Variants in SLC26A2 observed in about 807,000 individuals in gnomAD.
SLC26A2 encodes the protein sulfate transporter.
SLC26A2 carries 36 observed loss-of-function variants against 41.1 expected under a neutral mutation model. The ratio of observed to expected loss-of-function variants is 0.88; its 90% CI spans 0.67 to 1.16. The LOEUF is 1.16. Ranked by LOEUF, SLC26A2 falls within the 50% of genes most tolerant of loss-of-function variation. The pLI, the probability that SLC26A2 is intolerant of heterozygous loss-of-function variation, is 0.00. For synonymous variants in SLC26A2, 291 were observed against 311.6 expected, an observed-to-expected ratio of 0.93 and a Z score of 0.70; for missense variants, 796 against 869.6, an observed-to-expected ratio of 0.92 and a Z score of 1.07.
chr5:149,963,513 G>C (rs1033492094), intron 1 of SLC26A2, among the ~76,000 whole-genome samples: 20 of 151,876 alleles, frequency 1.3e-4, no homozygotes, highest in African/African-American at 4.8e-4. Context: ...TCATGACCTC[G>C]TGATCCGCCT....
rs925448046 is a variant in SLC26A2, at chr5:149,986,622, G to T, written c.*4809G>T. 1 of 152,146 alleles carries T rather than the reference G, an allele frequency of 6.6e-6. No homozygotes were observed. Among genetic ancestry groups the T allele is most frequent in the Non-Finnish European group, 1.5e-5 (1 of 68,022 alleles). The allele number at this position is 152,146 out of a possible 1,614,324, so 9.4% of individuals were successfully genotyped here. On this transcript the variant is annotated 3_prime_UTR_variant, in exon 3 of 3. Coordinates refer to ENST00000286298, the MANE Select transcript of SLC26A2 (RefSeq NM_000112.4). Reference sequence around the variant, plus strand: ...AAAGTAAGCATTGTAGTAAATAGTGGATTCTCTGGTGTGTATTTTTTATCT... The same window carrying T: ...AAAGTAAGCATTGTAGTAAATAGTGTATTCTCTGGTGTGTATTTTTTATCT...
At chr5:149,977,586 GA>G in intron 1 of SLC26A2, 41 bp from the exon 2 acceptor site, 1 of 1,026,896 alleles carries the variant, frequency 9.7e-7, no homozygotes, top group South Asian at 1.3e-5. Flanking sequence ...TGAGCACTGA[GA>G]ATTACTTTAT....
intron 1 of SLC26A2, among the ~76,000 whole-genome samples, chr5:149,976,137 G>A (rs1234330159): frequency 3.4e-5 from 5 of 147,502 alleles, no homozygotes; most frequent in South Asian, 2.1e-4. Flanking sequence ...CAGCCTGGGC[G>A]ACAGAGTGAA....
intron 1 of SLC26A2, among the ~76,000 whole-genome samples, chr5:149,971,353 A>T (rs559548320): frequency 6.6e-6 from 1 of 152,128 alleles, no homozygotes; most frequent in Non-Finnish European, 1.5e-5. Flanking sequence ...TACTATATAC[A>T]TGGAGAATCT....
At chr5:149,963,082 ATATTTATTTATT>A (rs141212500) in intron 1 of SLC26A2, among the ~76,000 whole-genome samples, 150 of 138,124 alleles carry the variant, frequency 1.1e-3, no homozygotes, top group Middle Eastern at 3.7e-3. Context: ...CAGTGGTGCT[ATATTTATTTATT>A]TATTTATTTA....
intron 1 of SLC26A2, among the ~76,000 whole-genome samples, chr5:149,963,082 A>ATATTTATTTATTTATT (rs141212500): frequency 1.6e-4 from 22 of 138,128 alleles, no homozygotes; most frequent in Non-Finnish European, 2.0e-4. Context: ...CAGTGGTGCT[A>ATATTTATTTATTTATT]TATTTATTTA....
intron 1 of SLC26A2, among the ~76,000 whole-genome samples, chr5:149,961,839 C>A (rs774958017): frequency 6.6e-6 from 1 of 151,672 alleles, no homozygotes; most frequent in African/African-American, 2.4e-5. Flanking sequence ...AGGAATGGAC[C>A]CTTTAAAATC....
In SLC26A2 at chr5:149,980,275, C is replaced by CCATT; in HGVS notation, c.700-18_700-17insCATT. The CCATT allele has an allele frequency of 6.2e-7, 1 of 1,601,648 alleles. No homozygotes were observed. The highest frequency in any genetic ancestry group is 1.1e-5 in the South Asian group (1 of 90,836). On this transcript the variant is annotated splice_polypyrimidine_tract_variant and intron_variant, in intron 2 of 2. Transcript: ENST00000286298. ...TCTTTTCCATTTATATTTAACACTT[C>CCATT]TATATCCTTCCTTCCAGGTAGCGAT...
At chr5:149,964,086 T>C (rs926773058) in intron 1 of SLC26A2, among the ~76,000 whole-genome samples, 3 of 152,164 alleles carry the variant, frequency 2.0e-5, no homozygotes, top group Non-Finnish European at 4.4e-5. Context: ...TTAGACCATA[T>C]TTGGTAGGAG....
In SLC26A2 at chr5:149,982,863, C is replaced by T. The variant is rs953982813; in HGVS notation, c.*1050C>T. On this transcript the variant is annotated 3_prime_UTR_variant, in exon 3 of 3. Transcript: ENST00000286298. Reference sequence around the variant, plus strand: ...GCTATGGGTGTATTATTCATGATAGCTGGCCCACAGGTCATGAATTGAGGA... The same window carrying T: ...GCTATGGGTGTATTATTCATGATAGTTGGCCCACAGGTCATGAATTGAGGA... The T allele has an allele frequency of 6.6e-6, 1 of 152,108 alleles. No individual in the cohort carries two copies. Among genetic ancestry groups the T allele is most frequent in the African/African-American group, 2.4e-5 (1 of 41,420 alleles). The allele number at this position is 152,108 out of a possible 1,614,324, so 9.4% of individuals were successfully genotyped here. A position where few individuals can be genotyped will look rare whatever the true frequency, so the allele number is the denominator to read the frequency against.
rs111607867 is a variant in SLC26A2, at chr5:149,984,773, CTAAACTT to C, written c.*2963_*2969del. ...TTGATACAAAAATATCTTGCTTACT[CTAAACTT>C]TAGAGTCTAAATGAAGCTTTTTCTC... On this transcript the variant is annotated 3_prime_UTR_variant, in exon 3 of 3. Coordinates refer to ENST00000286298, the MANE Select transcript of SLC26A2 (RefSeq NM_000112.4). 120 of 152,378 alleles carry C rather than the reference CTAAACTT, an allele frequency of 7.9e-4. 1 individual carries two copies. The highest frequency in any genetic ancestry group is 2.7e-3 in the African/African-American group (114 of 41,596). 9.4% of individuals were successfully genotyped at this position (152,378 alleles called of 1,614,324 possible).
intron 1 of SLC26A2, among the ~76,000 whole-genome samples, chr5:149,963,926 GGT>G (rs1754759317): frequency 6.6e-6 from 1 of 151,870 alleles, no homozygotes; most frequent in Non-Finnish European, 1.5e-5. Flanking sequence ...ATTTATATAA[GGT>G]GTCATTTGAG....
At chr5:149,970,572 G>GATT (rs1387311770) in intron 1 of SLC26A2, among the ~76,000 whole-genome samples, 4 of 152,108 alleles carry the variant, frequency 2.6e-5, no homozygotes, top group African/African-American at 9.7e-5. Context: ...AGATCTGGGA[G>GATT]ATTATTATTC....
Position 149,987,109 on chromosome 5 carries a change from T to C in SLC26A2, c.*5296T>C, listed in dbSNP as rs1032846140. On this transcript the variant is annotated 3_prime_UTR_variant, in exon 3 of 3. Coordinates refer to ENST00000286298, the MANE Select transcript of SLC26A2 (RefSeq NM_000112.4). Reference sequence around the variant, plus strand: ...AAAAGTATACTGCCTGTTTTTTCTTTAATTATTCAAGGTTGATGACTTTTA... The same window carrying C: ...AAAAGTATACTGCCTGTTTTTTCTTCAATTATTCAAGGTTGATGACTTTTA... 2 of 152,252 alleles carry C rather than the reference T, an allele frequency of 1.3e-5. No individual in the cohort carries two copies. Among genetic ancestry groups the C allele is most frequent in the African/African-American group, 4.8e-5 (2 of 41,468 alleles). The allele number at this position is 152,252 out of a possible 1,614,324, so 9.4% of individuals were successfully genotyped here. A position where few individuals can be genotyped will look rare whatever the true frequency, so the allele number is the denominator to read the frequency against.
chr5:149,967,061 A>C lies in SLC26A2; in HGVS notation c.-26+6082A>C, dbSNP rs1011889759. 2.6e-5 allele frequency among the ~76,000 whole-genome samples: 4 copies of C among 152,332 alleles called. No homozygotes were observed. In the East Asian group the frequency reaches 7.7e-4, roughly 29 times the overall value. ...TGTCCATAATACCAGCTAATCTGGAAGCTGAAGTGGGGGATTGTTTGAGGC... is the reference window on the plus strand; with the variant it reads ...TGTCCATAATACCAGCTAATCTGGACGCTGAAGTGGGGGATTGTTTGAGGC... On this transcript the variant is annotated intron_variant, in intron 1 of 2. Transcript: ENST00000286298.
At chr5:149,973,505 C>G (rs904332474) in intron 1 of SLC26A2, among the ~76,000 whole-genome samples, 1 of 151,998 alleles carries the variant, frequency 6.6e-6, no homozygotes, top group Non-Finnish European at 1.5e-5. Flanking sequence ...TCTTCTCCTT[C>G]CCACTCCCTC....
chr5:149,975,140 G>A lies in SLC26A2; in HGVS notation c.-25-2488G>A, dbSNP rs1050130746. Among the ~76,000 whole-genome samples, 6 of 151,958 alleles carry A rather than the reference G, an allele frequency of 3.9e-5. 1 individual carries two copies. Among genetic ancestry groups the A allele is most frequent in the Admixed American group, 2.6e-4 (4 of 15,252 alleles). On this transcript the variant is annotated intron_variant, in intron 1 of 2. Coordinates refer to ENST00000286298, the MANE Select transcript of SLC26A2 (RefSeq NM_000112.4). Reference sequence around the variant, plus strand: ...GTTATGTTACATTGTTGATATTGGGGGTTTTTTGTTTTGTTTCGTTATTTA... The same window carrying A: ...GTTATGTTACATTGTTGATATTGGGAGTTTTTTGTTTTGTTTCGTTATTTA...
At chr5:149,962,899 A>G (rs979808691) in intron 1 of SLC26A2, among the ~76,000 whole-genome samples, 30 of 152,200 alleles carry the variant, frequency 2.0e-4, no homozygotes, top group African/African-American at 7.0e-4. Flanking sequence ...GACATGTTCA[A>G]GACACTGAGA....
rs1581233459 is a variant in SLC26A2, at chr5:149,983,651, A to T, written c.*1838A>T. On this transcript the variant is annotated 3_prime_UTR_variant, in exon 3 of 3. Coordinates refer to ENST00000286298, the MANE Select transcript of SLC26A2 (RefSeq NM_000112.4). Reference sequence around the variant, plus strand: ...CCAGAGTGCAGTTTGATGATAGCTTACTGAAGCTTCCCACTCCTGGGCTCA... The same window carrying T: ...CCAGAGTGCAGTTTGATGATAGCTTTCTGAAGCTTCCCACTCCTGGGCTCA... The T allele has an allele frequency of 6.6e-6, 1 of 152,166 alleles. No homozygotes were observed. Among genetic ancestry groups the T allele is most frequent in the African/African-American group, 2.4e-5 (1 of 41,420 alleles). 9.4% of individuals were successfully genotyped at this position (152,166 alleles called of 1,614,324 possible). A position where few individuals can be genotyped will look rare whatever the true frequency, so the allele number is the denominator to read the frequency against.
Sources: allele counts gnomAD v4.1 joint callset (sites outside exome capture counted in the v4.1 genomes callset), GRCh38; gene constraint gnomAD v4.1.1; transcripts MANE v1.5; gene names NCBI Gene and HGNC (gene_info 2026-07-23, HGNC 2026-07-21).